Variants in FLT1 observed in about 807,000 individuals in gnomAD.
FLT1 encodes fms related receptor tyrosine kinase 1.
FLT1 carries 49 observed loss-of-function variants against 156.3 expected under a neutral mutation model. That is an observed-to-expected ratio of 0.31 (90% CI 0.25 to 0.40). FLT1 has a LOEUF of 0.40. FLT1 is among the 10% of genes least tolerant of loss of function. The probability of loss-of-function intolerance (pLI) is 1.00; values close to 1 mark genes in which losing one functional copy is unlikely to be tolerated. For missense variants in FLT1, 1,322 were observed against 1,637.2 expected, an observed-to-expected ratio of 0.81 and a Z score of 3.32; for synonymous variants, 594 against 583.8, an observed-to-expected ratio of 1.02 and a Z score of -0.25.
chr13:28,484,602 C>A (rs1423617806), intron 1 of FLT1, among the ~76,000 whole-genome samples: 1 of 152,132 alleles, frequency 6.6e-6, no homozygotes, highest in Non-Finnish European at 1.5e-5. Flanking sequence ...AGTGGAATCT[C>A]CCAAGGCCAC....
At chr13:28,344,573 A>G (rs1162977868) in intron 16 of FLT1, among the ~76,000 whole-genome samples, 6 of 152,092 alleles carry the variant, frequency 3.9e-5, no homozygotes, top group African/African-American at 1.4e-4. Context: ...TTGAAGCATG[A>G]ATGAATGAAT....
rs1387167992 is a variant in FLT1, at chr13:28,389,045, T to C, written c.1969+751A>G. The C allele has an allele frequency of 1.1e-5, 12 of 1,064,520 alleles. No individual in the cohort carries two copies. In the East Asian group the frequency reaches 5.5e-4, roughly 49 times the overall value. The allele number at this position is 1,064,520 out of a possible 1,614,324, so 65.9% of individuals were successfully genotyped here. A position where few individuals can be genotyped will look rare whatever the true frequency, so the allele number is the denominator to read the frequency against. ...CGTTGATTTGGATGGACTCTTATAA[T>C]TCACACTGCGATAAACCTTTACTAT... On this transcript the variant is annotated intron_variant, in intron 13 of 29. Transcript: ENST00000282397.
At chr13:28,394,191 C>T (rs745596771) in intron 12 of FLT1, among the ~76,000 whole-genome samples, 9 of 152,028 alleles carry the variant, frequency 5.9e-5, no homozygotes, top group Non-Finnish European at 1.0e-4. Flanking sequence ...ACAATCAAAA[C>T]CAGAACTTTT....
intron 15 of FLT1, among the ~76,000 whole-genome samples, chr13:28,346,982 G>C (rs1872588792): frequency 6.6e-6 from 1 of 152,106 alleles, no homozygotes; most frequent in South Asian, 2.1e-4. Context: ...GGCCGGAGGA[G>C]ATAGAAAGAT....
chr13:28,367,004 A>T (rs1873324858), intron 14 of FLT1, among the ~76,000 whole-genome samples: 1 of 152,200 alleles, frequency 6.6e-6, no homozygotes, highest in Non-Finnish European at 1.5e-5. Flanking sequence ...ATGACCACAT[A>T]AATGAAGACA....
chr13:28,353,172 T>G (rs1444785453), intron 15 of FLT1, among the ~76,000 whole-genome samples: 1 of 152,180 alleles, frequency 6.6e-6, no homozygotes, highest in Non-Finnish European at 1.5e-5. Flanking sequence ...TATCTGTCAA[T>G]CATCTTCGAA....
intron 14 of FLT1, among the ~76,000 whole-genome samples, chr13:28,369,519 C>T (rs1873457018): frequency 1.3e-5 from 2 of 152,018 alleles, no homozygotes; most frequent in African/African-American, 2.4e-5. Flanking sequence ...AACGAGACTC[C>T]ATCTCCAAAA....
chr13:28,333,144 C>G lies in FLT1; in HGVS notation c.2593+881G>C, dbSNP rs192352317. Among the ~76,000 whole-genome samples, 172 of 152,318 alleles carry G rather than the reference C, an allele frequency of 1.1e-3. 2 individuals carry two copies. Among genetic ancestry groups the G allele is most frequent in the Non-Finnish European group, 3.4e-4 (23 of 68,028 alleles). Reference sequence around the variant, plus strand: ...ATTGCTAGAAGATTAAGAACTTTGACGTCTCCCTAAGCAAACAACCCTTTC... The same window carrying G: ...ATTGCTAGAAGATTAAGAACTTTGAGGTCTCCCTAAGCAAACAACCCTTTC... On this transcript the variant is annotated intron_variant, in intron 18 of 29. Transcript: ENST00000282397.
intron 17 of FLT1, among the ~76,000 whole-genome samples, chr13:28,336,150 C>T (rs568461929): frequency 6.6e-6 from 1 of 152,344 alleles, no homozygotes; most frequent in East Asian, 1.9e-4. Context: ...TCAGCCCCCA[C>T]ATCCCGTCTT....
chr13:28,482,582 T>C (rs549722747), intron 1 of FLT1, among the ~76,000 whole-genome samples: 4 of 152,168 alleles, frequency 2.6e-5, no homozygotes, highest in Non-Finnish European at 2.9e-5. Flanking sequence ...CCTCCTAAGT[T>C]TGTATTTAAC....
At chr13:28,472,966 A>T (rs1350610718) in intron 1 of FLT1, among the ~76,000 whole-genome samples, 1 of 152,234 alleles carries the variant, frequency 6.6e-6, no homozygotes, top group Non-Finnish European at 1.5e-5. Context: ...CTTCCCAAAG[A>T]AGATATATAA....
chr13:28,308,047 C>T (rs1279289688), intron 28 of FLT1, among the ~76,000 whole-genome samples: 1 of 152,200 alleles, frequency 6.6e-6, no homozygotes, highest in Non-Finnish European at 1.5e-5. Context: ...GCTGGGATTA[C>T]AGGCTTGAGC....
intron 14 of FLT1, chr13:28,368,355 T>G (rs1411819211): frequency 1.2e-6 from 1 of 839,218 alleles, no homozygotes; most frequent in African/African-American, 1.7e-5. Context: ...TTTCACCATC[T>G]TGGTCAGGCT....
At chr13:28,494,009 T>G (rs539545506) in intron 1 of FLT1, among the ~76,000 whole-genome samples, 1 of 152,340 alleles carries the variant, frequency 6.6e-6, no homozygotes, top group East Asian at 1.9e-4. Context: ...GGGTCACTGA[T>G]GTCCGCGACA....
At chr13:28,305,188 G>A (rs1870691386) in intron 29 of FLT1, among the ~76,000 whole-genome samples, 1 of 152,098 alleles carries the variant, frequency 6.6e-6, no homozygotes, top group Non-Finnish European at 1.5e-5. Flanking sequence ...TCGCCACACT[G>A]ACTTCATCTA....
chr13:28,412,350 C>CTCTTTCTT (rs531785690), intron 10 of FLT1, among the ~76,000 whole-genome samples: 172 of 93,792 alleles, frequency 1.8e-3, no homozygotes, highest in African/African-American at 5.9e-3. Context: ...TTCTTTCTTT[C>CTCTTTCTT]TCTTTCTTTC....
At chr13:28,430,284 T>C (rs1049932499) in intron 7 of FLT1, 117 bp from the exon 8 acceptor site, 4 of 749,064 alleles carry the variant, frequency 5.3e-6, no homozygotes, top group Admixed American at 4.0e-5. Flanking sequence ...TGAATTATGA[T>C]AGAGCCTATC....
intron 3 of FLT1, among the ~76,000 whole-genome samples, chr13:28,466,467 A>G (rs368432059): frequency 8.5e-4 from 130 of 152,368 alleles, no homozygotes; most frequent in African/African-American, 3.0e-3. Context: ...TCGAGATAAC[A>G]GCAACATTGC....
intron 14 of FLT1, among the ~76,000 whole-genome samples, chr13:28,366,040 C>T (rs1486592392): frequency 1.3e-5 from 2 of 152,068 alleles, no homozygotes; most frequent in South Asian, 4.2e-4. Context: ...TTAGCTCCAA[C>T]CTATTGAGAA....
Sources: allele counts gnomAD v4.1 joint callset (sites outside exome capture counted in the v4.1 genomes callset), GRCh38; gene constraint gnomAD v4.1.1; transcripts MANE v1.5; gene names NCBI Gene and HGNC (gene_info 2026-07-23, HGNC 2026-07-21).